Variants in DCAF17 observed in about 807,000 individuals in gnomAD.
DCAF17 encodes DDB1- and CUL4-associated factor 17.
DCAF17 carries 48 observed loss-of-function variants against 66.0 expected under a neutral mutation model. The observed-to-expected ratio is 0.73, with a 90% CI of 0.58 to 0.92. DCAF17 has a LOEUF of 0.92. Among genes scored for constraint, DCAF17 ranks in the 40% least tolerant of loss-of-function variants. DCAF17 has a pLI of 0.00. For synonymous variants in DCAF17, 206 were observed against 214.6 expected (o/e 0.96, Z 0.35); for missense variants, 562 against 622.8 (o/e 0.90, Z 1.04).
chr2:171,457,802 C>A (rs931033979), intron 6 of DCAF17, among the ~76,000 whole-genome samples, 169 bp from the exon 7 acceptor site: 8 of 152,176 alleles, frequency 5.3e-5, no homozygotes, highest in Non-Finnish European at 1.0e-4. Flanking sequence ...CTGTTCACTC[C>A]TAATAACACC....
intron 2 of DCAF17, among the ~76,000 whole-genome samples, chr2:171,437,388 A>C (rs954905078): frequency 2.3e-4 from 35 of 152,182 alleles, no homozygotes; most frequent in African/African-American, 8.0e-4. Context: ...GTCAAAAATC[A>C]ATTGACCATA....
chr2:171,482,872 C>T lies in DCAF17; in HGVS notation c.*1758C>T, dbSNP rs1696800867. On this transcript the variant is annotated 3_prime_UTR_variant, in exon 14 of 14. Transcript: ENST00000375255. Reference sequence around the variant, plus strand: ...CACTAAGAAACCCCCAGTATGTCACCACTGCCTAAATCTAACTAGACCAGG... The same window carrying T: ...CACTAAGAAACCCCCAGTATGTCACTACTGCCTAAATCTAACTAGACCAGG... 2.2e-6 allele frequency: 1 copy of T among 453,944 alleles called. No homozygotes were observed. 28.1% of individuals were successfully genotyped at this position (453,944 alleles called of 1,614,324 possible).
At chr2:171,434,921 A>C in intron 1 of DCAF17, 162 bp from the exon 2 acceptor site, 1 of 1,045,196 alleles carries the variant, frequency 9.6e-7, no homozygotes, top group Non-Finnish European at 1.4e-6. Flanking sequence ...CAATTATTCT[A>C]AAAGTTGGTC....
At chr2:171,465,616 A>C (rs1214326445) in intron 8 of DCAF17, among the ~76,000 whole-genome samples, 1 of 152,072 alleles carries the variant, frequency 6.6e-6, no homozygotes, top group Non-Finnish European at 1.5e-5. Context: ...GGTAGCTGGG[A>C]CTACAGGCAC....
intron 3 of DCAF17, among the ~76,000 whole-genome samples, chr2:171,443,938 A>G (rs897120160): frequency 6.6e-6 from 1 of 152,204 alleles, no homozygotes; most frequent in African/African-American, 2.4e-5. Context: ...CATTCCACTC[A>G]ATATACTGAA....
chr2:171,454,988 T>A (rs1183722934), intron 6 of DCAF17, among the ~76,000 whole-genome samples: 1 of 152,014 alleles, frequency 6.6e-6, no homozygotes, highest in Non-Finnish European at 1.5e-5. Flanking sequence ...TTTTAACTTC[T>A]AAGTTCAGGG....
chr2:171,436,063 A>C (rs563570005), intron 2 of DCAF17, among the ~76,000 whole-genome samples: 1 of 152,216 alleles, frequency 6.6e-6, no homozygotes, highest in East Asian at 1.9e-4. Flanking sequence ...TGTACTTTTC[A>C]TATAAATGGA....
chr2:171,458,603 A>T lies in DCAF17; in HGVS notation c.838+126A>T, dbSNP rs16859390. 19,608 of 736,314 alleles carry T rather than the reference A, an allele frequency of 0.027. 317 individuals are homozygous for T. Among genetic ancestry groups the T allele is most frequent in the East Asian group, 0.039 (1,418 of 36,562 alleles). The allele number at this position is 736,314 out of a possible 1,614,324, so 45.6% of individuals were successfully genotyped here. On this transcript the variant is annotated intron_variant, in intron 8 of 13. Coordinates refer to ENST00000375255, the MANE Select transcript of DCAF17 (RefSeq NM_025000.4). The stretch of plus-strand genomic sequence containing the variant: ...AAAACTCAATTCATTTTACTCCTAT[A>T]CATCATGTGCCTTGCTATTCAATAA...
chr2:171,461,318 T>TCAGGAGGCTGAGG (rs1173006978), intron 8 of DCAF17, among the ~76,000 whole-genome samples: 11 of 151,912 alleles, frequency 7.2e-5, no homozygotes, highest in Non-Finnish European at 1.5e-4. Flanking sequence ...TCTCAGCTAC[T>TCAGGAGGCTGAGG]CAGGAGGCTG....
At chr2:171,452,878 T>A (rs1695034196) in intron 5 of DCAF17, among the ~76,000 whole-genome samples, 1 of 152,252 alleles carries the variant, frequency 6.6e-6, no homozygotes, top group East Asian at 1.9e-4. Flanking sequence ...AAATGTTTAC[T>A]TTTATGGATT....
At chr2:171,455,618 C>T (rs2105767628) in intron 6 of DCAF17, among the ~76,000 whole-genome samples, 1 of 152,168 alleles carries the variant, frequency 6.6e-6, no homozygotes, top group East Asian at 1.9e-4. Flanking sequence ...AGACTAATTT[C>T]CATTGACACA....
chr2:171,434,857 T>C, intron 1 of DCAF17, 154 bp downstream of exon 1: 1 of 1,179,366 alleles, frequency 8.5e-7, no homozygotes, highest in Non-Finnish European at 1.2e-6. Context: ...GGATAGGTGG[T>C]AATAGGGCCA....
intron 8 of DCAF17, 132 bp from the exon 9 acceptor site, chr2:171,468,756 C>A: frequency 8.0e-7 from 1 of 1,254,384 alleles, no homozygotes; most frequent in Non-Finnish European, 1.1e-6. Context: ...ATTTTATTTC[C>A]TTGAACATAG....
chr2:171,444,387 G>A lies in DCAF17; in HGVS notation c.321+774G>A, dbSNP rs541979057. Among the ~76,000 whole-genome samples the A allele has an allele frequency of 2.4e-4, 37 of 152,224 alleles. No individual in the cohort carries two copies. The Middle Eastern group carries it at 0.01, about 42-fold the overall frequency. On this transcript the variant is annotated intron_variant, in intron 3 of 13. Coordinates refer to ENST00000375255, the MANE Select transcript of DCAF17 (RefSeq NM_025000.4). ...CAAAATTCAAAACTTTTTGAATGCC[G>A]ACATGACGCCACAAGTGGAAAATTT... is the stretch of plus-strand genomic sequence containing the variant.
intron 2 of DCAF17, among the ~76,000 whole-genome samples, chr2:171,438,578 T>C (rs978625546): frequency 1.7e-4 from 26 of 152,248 alleles, no homozygotes; most frequent in African/African-American, 4.6e-4. Flanking sequence ...TCTTGGAGAA[T>C]TGACACCTTT....
At chr2:171,466,474 C>A (rs1450465537) in intron 8 of DCAF17, among the ~76,000 whole-genome samples, 1 of 152,040 alleles carries the variant, frequency 6.6e-6, no homozygotes, top group Non-Finnish European at 1.5e-5. Context: ...CTCTGATATC[C>A]TTGTGAACAT....
In DCAF17 at chr2:171,483,819, T is replaced by C. The variant is rs1696842280; in HGVS notation, c.*2705T>C. ...GGAAAGTGAGGCTCACAGAAGTTAA[T>C]TGGCCCAGGGTCCCACAACTAGTCA... is the stretch of plus-strand genomic sequence containing the variant. On this transcript the variant is annotated 3_prime_UTR_variant, in exon 14 of 14. Coordinates refer to ENST00000375255, the MANE Select transcript of DCAF17 (RefSeq NM_025000.4). 1 of 453,966 alleles carries C rather than the reference T, an allele frequency of 2.2e-6. No homozygotes were observed. The highest frequency in any genetic ancestry group is 2.0e-5 in the African/African-American group (1 of 49,994). The allele number at this position is 453,966 out of a possible 1,614,324, so 28.1% of individuals were successfully genotyped here. A position where few individuals can be genotyped will look rare whatever the true frequency, so the allele number is the denominator to read the frequency against.
Position 171,434,607 on chromosome 2 carries a change from C to T in DCAF17, c.30C>T (p.Cys10=). The change falls in exon 1 of 14, where the codon TGC becomes TGT. Residue 10 remains cysteine, a synonymous_variant. Transcript: ENST00000375255. The stretch of plus-strand genomic sequence containing the variant: ...GCCCGACCCGGAAGCCCAACGTGTG[C>T]AGCCGGCTGAGTCGCCGGGCGCTGG... The part of the protein sequence containing the change: MGPTRKPNV[C]SRLSRRALGC... 8 of 1,528,346 alleles carry T rather than the reference C, an allele frequency of 5.2e-6. No homozygotes were observed. The highest frequency in any genetic ancestry group is 7.0e-6 in the Non-Finnish European group (8 of 1,144,616). The allele number at this position is 1,528,346 out of a possible 1,614,324, so 94.7% of individuals were successfully genotyped here.
At chr2:171,436,732 CT>C (rs909775416) in intron 2 of DCAF17, among the ~76,000 whole-genome samples, 3 of 138,224 alleles carry the variant, frequency 2.2e-5, no homozygotes, top group African/African-American at 8.1e-5. Flanking sequence ...TGTAGATTGT[CT>C]TTTTACTTTC....
Sources: allele counts gnomAD v4.1 joint callset (sites outside exome capture counted in the v4.1 genomes callset), GRCh38; gene constraint gnomAD v4.1.1; transcripts MANE v1.5; gene names NCBI Gene and HGNC (gene_info 2026-07-23, HGNC 2026-07-21).